Variants in SUDS3 observed in about 807,000 individuals in gnomAD.
The protein encoded by SUDS3 is SIN3A corepressor complex component SDS3.
In SUDS3, 23 loss-of-function variants were observed where a neutral mutation model predicts 53.5. The ratio of observed to expected loss-of-function variants is 0.43; its 90% CI spans 0.31 to 0.61. The LOEUF (loss-of-function observed/expected upper bound fraction) is 0.61, where lower values mean the gene tolerates loss of function less well. Ranked by LOEUF, SUDS3 falls within the 20% of genes least tolerant of loss-of-function variation. The pLI is 0.10. For missense variants in SUDS3, 291 were observed against 405.9 expected, an observed-to-expected ratio of 0.72 and a Z score of 2.43; for synonymous variants, 150 against 148.5, an observed-to-expected ratio of 1.01 and a Z score of -0.08.
intron 4 of SUDS3, among the ~76,000 whole-genome samples, chr12:118,389,298 A>G (rs1370650893): frequency 1.3e-5 from 2 of 152,034 alleles, no homozygotes; most frequent in Non-Finnish European, 2.9e-5. Flanking sequence ...CTGGTGCCAA[A>G]AAGGTTGGAG....
At chr12:118,405,965 A>G (rs1292224863) in intron 10 of SUDS3, among the ~76,000 whole-genome samples, 1 of 152,240 alleles carries the variant, frequency 6.6e-6, no homozygotes, top group Non-Finnish European at 1.5e-5. Flanking sequence ...AAATGACTTC[A>G]GCAAAACAAA....
At position 118,415,885 on chromosome 12, in the gene SUDS3, A is replaced by G. The variant is rs2046396368; in HGVS notation, c.*1452A>G. The G allele has an allele frequency of 6.6e-6, 1 of 151,232 alleles. No individual in the cohort carries two copies. The allele number at this position is 151,232 out of a possible 1,614,324, so 9.4% of individuals were successfully genotyped here. ...CAGACTTGTACAAGTAAAGACTTATACAGATAGATTTTTGTTTTAACTTAC... is the reference window on the plus strand; with the variant it reads ...CAGACTTGTACAAGTAAAGACTTATGCAGATAGATTTTTGTTTTAACTTAC... On this transcript the variant is annotated 3_prime_UTR_variant, in exon 12 of 12. Transcript: ENST00000543473.
At chr12:118,379,972 CA>C (rs1191462157) in intron 1 of SUDS3, among the ~76,000 whole-genome samples, 189 bp from the exon 2 acceptor site, 1 of 152,158 alleles carries the variant, frequency 6.6e-6, no homozygotes, top group Non-Finnish European at 1.5e-5. Flanking sequence ...TTTGTGTCCA[CA>C]GGTTTCGTGT....
chr12:118,389,546 C>G (rs565046451), intron 4 of SUDS3, among the ~76,000 whole-genome samples: 1 of 149,116 alleles, frequency 6.7e-6, no homozygotes, highest in East Asian at 2.0e-4. Context: ...AGGTTTCGCT[C>G]TGTCACCCAG....
At chr12:118,403,386 G>A (rs2046281047) in intron 9 of SUDS3, 26 bp from the exon 10 acceptor site, 1 of 1,570,362 alleles carries the variant, frequency 6.4e-7, no homozygotes, top group South Asian at 1.1e-5. Flanking sequence ...TACATTCTTA[G>A]TCACGTAAGT....
chr12:118,411,174 C>A lies in SUDS3; in HGVS notation c.888+17C>A. 6.3e-7 allele frequency: 1 copy of A among 1,576,132 alleles called. No individual in the cohort carries two copies. The highest frequency in any genetic ancestry group is 2.3e-5 in the East Asian group (1 of 43,086). On this transcript the variant is annotated intron_variant, in intron 11 of 11. Coordinates refer to ENST00000543473, the MANE Select transcript of SUDS3 (RefSeq NM_022491.3). Reference sequence around the variant, plus strand: ...GCCAATGAGGTGGGAACCACACTCCCTCACCTTTAGGGAAGCAAAATGTGT... The same window carrying A: ...GCCAATGAGGTGGGAACCACACTCCATCACCTTTAGGGAAGCAAAATGTGT...
At chr12:118,408,287 G>C (rs993506348) in intron 10 of SUDS3, among the ~76,000 whole-genome samples, 26 of 151,360 alleles carry the variant, frequency 1.7e-4, no homozygotes, top group Non-Finnish European at 2.8e-4. Flanking sequence ...ACCCACCTTG[G>C]CCTCCCAAAG....
chr12:118,384,314 C>G (rs1203539605), intron 3 of SUDS3, among the ~76,000 whole-genome samples: 5 of 152,138 alleles, frequency 3.3e-5, no homozygotes, highest in Admixed American at 1.3e-4. Flanking sequence ...TTGGGACTTT[C>G]AATGGAGCAC....
chr12:118,380,048 G>A, intron 1 of SUDS3, 114 bp from the exon 2 acceptor site: 1 of 825,830 alleles, frequency 1.2e-6, no homozygotes, highest in Non-Finnish European at 2.0e-6. Flanking sequence ...GTGCAAGCCT[G>A]CCTTGAATAG....
chr12:118,388,344 G>T (rs2046133136), intron 4 of SUDS3, among the ~76,000 whole-genome samples: 1 of 152,194 alleles, frequency 6.6e-6, no homozygotes, highest in African/African-American at 2.4e-5. Flanking sequence ...TGGGGAAGGG[G>T]TCCATAGCAT....
At chr12:118,390,997 C>A in intron 5 of SUDS3, 129 bp from the exon 6 acceptor site, 1 of 1,055,540 alleles carries the variant, frequency 9.5e-7, no homozygotes, top group Non-Finnish European at 1.5e-6. Context: ...CTCAGACACA[C>A]TGTTACTGCA....
intron 10 of SUDS3, among the ~76,000 whole-genome samples, chr12:118,410,480 C>T (rs974646184): frequency 6.6e-6 from 1 of 152,082 alleles, no homozygotes; most frequent in African/African-American, 2.4e-5. Context: ...CTTTTCCCTT[C>T]TGTAGAGGGA....
Position 118,417,698 on chromosome 12 carries a change from AAAC to A in SUDS3, c.*3268_*3270del, listed in dbSNP as rs1374089532. On this transcript the variant is annotated 3_prime_UTR_variant, in exon 12 of 12. Transcript: ENST00000543473. ...ATAGGTTTTTTTTTTTTTTTAAAGAAAACAATAAACTTTCAAAGAGAAAACCAG... is the reference window on the plus strand; with the variant it reads ...ATAGGTTTTTTTTTTTTTTTAAAGAAAATAAACTTTCAAAGAGAAAACCAG... The A allele has an allele frequency of 4.0e-5, 6 of 151,842 alleles. No individual in the cohort carries two copies. The highest frequency in any genetic ancestry group is 1.2e-4 in the African/African-American group (5 of 41,362). The allele number at this position is 151,842 out of a possible 1,614,324, so 9.4% of individuals were successfully genotyped here.
rs1295286099 is a variant in SUDS3, at chr12:118,415,874, T to TAAAGACTTATACAGA, written c.*1442_*1456dup. 6.6e-6 allele frequency: 1 copy of TAAAGACTTATACAGA among 151,970 alleles called. No homozygotes were observed. Among genetic ancestry groups the TAAAGACTTATACAGA allele is most frequent in the Non-Finnish European group, 1.5e-5 (1 of 68,000 alleles). 9.4% of individuals were successfully genotyped at this position (151,970 alleles called of 1,614,324 possible). On this transcript the variant is annotated 3_prime_UTR_variant, in exon 12 of 12. Coordinates refer to ENST00000543473, the MANE Select transcript of SUDS3 (RefSeq NM_022491.3). ...ACTGACTTGTACAGACTTGTACAAG[T>TAAAGACTTATACAGA]AAAGACTTATACAGATAGATTTTTG...
At chr12:118,390,132 C>T (rs1323568122) in intron 5 of SUDS3, among the ~76,000 whole-genome samples, 186 bp downstream of exon 5, 1 of 152,188 alleles carries the variant, frequency 6.6e-6, no homozygotes, top group African/African-American at 2.4e-5. Context: ...TGTTGCGCAG[C>T]CTCTGCTTAT....
At chr12:118,386,981 GAA>G (rs1325010792) in intron 4 of SUDS3, among the ~76,000 whole-genome samples, 2 of 152,202 alleles carry the variant, frequency 1.3e-5, no homozygotes, top group Non-Finnish European at 2.9e-5. Flanking sequence ...TGCGATGGTA[GAA>G]GTAATGATGG....
intron 6 of SUDS3, among the ~76,000 whole-genome samples, chr12:118,399,690 A>G (rs1029149195): frequency 6.6e-6 from 1 of 152,196 alleles, no homozygotes; most frequent in Non-Finnish European, 1.5e-5. Flanking sequence ...GGTGAACCTC[A>G]TGCCTGGATG....
At chr12:118,385,358 C>T (rs1046103970) in intron 3 of SUDS3, among the ~76,000 whole-genome samples, 1 of 152,174 alleles carries the variant, frequency 6.6e-6, no homozygotes, top group African/African-American at 2.4e-5. Flanking sequence ...ATCCGCCCAC[C>T]TCAGCCTCTC....
intron 6 of SUDS3, among the ~76,000 whole-genome samples, chr12:118,399,385 C>A (rs1452745171): frequency 6.6e-6 from 1 of 152,096 alleles, no homozygotes; most frequent in Non-Finnish European, 1.5e-5. Flanking sequence ...TGCTGTAGTC[C>A]CAGCTACTTG....
Sources: gnomAD v4.1 joint callset for allele counts (sites outside exome capture counted in the v4.1 genomes callset) on GRCh38, gnomAD v4.1.1 for gene constraint, MANE v1.5 for transcripts, NCBI Gene and HGNC (gene_info 2026-07-23, HGNC 2026-07-21) for gene names.